VWA3B: variants seen among roughly 807,000 people sequenced by gnomAD.
The protein encoded by VWA3B is von Willebrand factor A domain containing 3B, also known as von Willebrand factor A domain-containing protein 3B.
Under a neutral mutation model 158.3 loss-of-function variants are expected in VWA3B, and 138 were observed. That is an observed-to-expected ratio of 0.87 (90% confidence interval 0.76 to 1.00). The LOEUF (loss-of-function observed/expected upper bound fraction) is 1.00. VWA3B is among the 50% of genes least tolerant of loss of function. The probability of loss-of-function intolerance (pLI) is 0.00; values close to 1 mark genes in which losing one functional copy is unlikely to be tolerated. For synonymous variants in VWA3B, 596 were observed against 587.3 expected (o/e 1.01, Z -0.21); for missense variants, 1,555 against 1,565.1 (o/e 0.99, Z 0.11).
intron 1 of VWA3B, among the ~76,000 whole-genome samples, chr2:98,091,131 A>C (rs1682261396): frequency 6.6e-6 from 1 of 152,190 alleles, no homozygotes; most frequent in Non-Finnish European, 1.5e-5. Flanking sequence ...GTTCCGGATG[A>C]GGACCTAGGG....
At chr2:98,132,327 G>T (rs1270089821) in intron 6 of VWA3B, among the ~76,000 whole-genome samples, 2 of 152,206 alleles carry the variant, frequency 1.3e-5, no homozygotes, top group Non-Finnish European at 2.9e-5. Context: ...GTTGGTCTTG[G>T]TGCACCTTTG....
At chr2:98,257,724 G>A (rs1326302639) in intron 21 of VWA3B, among the ~76,000 whole-genome samples, 1 of 151,666 alleles carries the variant, frequency 6.6e-6, no homozygotes, top group East Asian at 1.9e-4. Context: ...TTTCCAATTG[G>A]GTTGTGTTTT....
intron 12 of VWA3B, among the ~76,000 whole-genome samples, chr2:98,208,194 T>A (rs1451251): frequency 0.8 from 121,410 of 151,878 alleles, 48,849 homozygotes; most frequent in South Asian, 0.89. Context: ...CTTTTTAAAA[T>A]TAAATATTTG....
intron 7 of VWA3B, among the ~76,000 whole-genome samples, chr2:98,143,036 A>AAT (rs1480839246): frequency 5.3e-5 from 8 of 152,180 alleles, no homozygotes; most frequent in East Asian, 3.9e-4. Flanking sequence ...AGTTATATCA[A>AAT]ATATATATAT....
chr2:98,188,044 A>G lies in VWA3B; in HGVS notation c.1381A>G (p.Ser461Gly). The G allele has an allele frequency of 6.2e-7, 1 of 1,613,952 alleles. No individual in the cohort carries two copies. The highest frequency in any genetic ancestry group is 1.7e-5 in the Admixed American group (1 of 59,992). The change falls in exon 10 of 28, where the codon AGC becomes GGC. Residue 461 changes from serine (S) to glycine (G), a missense_variant. Physicochemically the swap from Ser to Gly is moderately conservative, Grantham distance 56 (BLOSUM62 0). Coordinates refer to ENST00000477737, the MANE Select transcript of VWA3B (RefSeq NM_144992.5). ...RFVHAPWKDGSLVHVNITKEK... is the reference protein window; with the variant it reads ...RFVHAPWKDGGLVHVNITKEK... ...TGTCCATGCTCCCTGGAAGGATGGGAGCTTGGTCCACGTCAACATTACCAA... is the reference window on the plus strand; with the variant it reads ...TGTCCATGCTCCCTGGAAGGATGGGGGCTTGGTCCACGTCAACATTACCAA...
intron 21 of VWA3B, among the ~76,000 whole-genome samples, chr2:98,266,902 C>T (rs1687874248): frequency 6.8e-6 from 1 of 148,116 alleles, no homozygotes; most frequent in Non-Finnish European, 1.5e-5. Context: ...ATTTTGTATC[C>T]TGAGACTTTG....
intron 2 of VWA3B, among the ~76,000 whole-genome samples, chr2:98,108,691 C>G (rs1202353077): frequency 1.3e-5 from 2 of 151,772 alleles, no homozygotes; most frequent in East Asian, 3.9e-4. Context: ...ATTTGCATGG[C>G]CTATCTTTTT....
chr2:98,090,438 C>T (rs551707073), intron 1 of VWA3B, among the ~76,000 whole-genome samples: 4 of 152,296 alleles, frequency 2.6e-5, no homozygotes, highest in East Asian at 1.9e-4. Context: ...TGCTTATCCA[C>T]GCATAACTTA....
chr2:98,275,597 T>A (rs940378056), intron 22 of VWA3B, among the ~76,000 whole-genome samples: 1 of 152,248 alleles, frequency 6.6e-6, no homozygotes, highest in African/African-American at 2.4e-5. Context: ...AGCACTGGAC[T>A]AAAAGATGGT....
At chr2:98,191,061 T>G (rs886459858) in intron 10 of VWA3B, among the ~76,000 whole-genome samples, 4 of 152,202 alleles carry the variant, frequency 2.6e-5, no homozygotes, top group African/African-American at 4.8e-5. Context: ...CTGAGTTAAC[T>G]TTAAATTGTT....
chr2:98,307,094 G>A (rs140239646), intron 26 of VWA3B, among the ~76,000 whole-genome samples: 2,218 of 152,298 alleles, frequency 0.015, 34 homozygotes, highest in Admixed American at 0.018. Context: ...CTTTACAAAT[G>A]TGTTCCTTAG....
chr2:98,118,641 A>T (rs147123741), intron 3 of VWA3B, among the ~76,000 whole-genome samples: 3 of 152,278 alleles, frequency 2.0e-5, no homozygotes, highest in Middle Eastern at 3.4e-3. Flanking sequence ...AGGGACAGTG[A>T]TCGGGATATA....
intron 13 of VWA3B, chr2:98,216,868 G>A (rs1476422262): frequency 8.8e-7 from 1 of 1,140,902 alleles, no homozygotes; most frequent in African/African-American, 1.6e-5. Flanking sequence ...CATTCAGATG[G>A]GCAGTGCTGG....
At chr2:98,298,844 C>A (rs1690001431) in intron 24 of VWA3B, among the ~76,000 whole-genome samples, 1 of 152,202 alleles carries the variant, frequency 6.6e-6, no homozygotes, top group Non-Finnish European at 1.5e-5. Flanking sequence ...TTTTGAGGTT[C>A]CTATGGACTA....
At chr2:98,113,255 G>C (rs1420259910) in intron 2 of VWA3B, among the ~76,000 whole-genome samples, 4 of 151,810 alleles carry the variant, frequency 2.6e-5, no homozygotes, top group Non-Finnish European at 5.9e-5. Context: ...AGAGACTTTG[G>C]GTTGTATAGT....
chr2:98,144,234 C>T (rs961036911), intron 7 of VWA3B, among the ~76,000 whole-genome samples: 1 of 152,066 alleles, frequency 6.6e-6, no homozygotes, highest in African/African-American at 2.4e-5. Context: ...TGGTCTCTAG[C>T]ACACAGTTAA....
At chr2:98,257,686 G>A (rs1353605519) in intron 21 of VWA3B, among the ~76,000 whole-genome samples, 1 of 151,852 alleles carries the variant, frequency 6.6e-6, no homozygotes, top group Non-Finnish European at 1.5e-5. Flanking sequence ...CTTCTTTGGA[G>A]AAATGTTTAT....
chr2:98,215,444 A>C (rs930383422), intron 13 of VWA3B, among the ~76,000 whole-genome samples: 7 of 151,550 alleles, frequency 4.6e-5, no homozygotes, highest in Admixed American at 1.3e-4. Context: ...CCATCTAAAA[A>C]AAAAAACAAA....
chr2:98,116,814 C>T (rs1005198072), intron 3 of VWA3B, among the ~76,000 whole-genome samples: 7 of 152,238 alleles, frequency 4.6e-5, no homozygotes, highest in Admixed American at 3.3e-4. Context: ...TGTAAGGCAT[C>T]ATGCCTGCCC....
Sources: gnomAD v4.1 joint callset for allele counts (sites outside exome capture counted in the v4.1 genomes callset) on GRCh38, gnomAD v4.1.1 for gene constraint, MANE v1.5 for transcripts, NCBI Gene and HGNC (gene_info 2026-07-23, HGNC 2026-07-21) for gene names.